SLX4IP: variants seen among roughly 807,000 people sequenced by gnomAD.
The protein encoded by SLX4IP is protein SLX4IP.
SLX4IP carries 34 observed loss-of-function variants against 32.9 expected under a neutral mutation model. That is an observed-to-expected ratio of 1.03 (90% CI 0.79 to 1.38). The LOEUF is 1.38. Among genes scored for constraint, SLX4IP ranks in the 40% most tolerant of loss-of-function variants. The pLI is 0.00. For synonymous variants in SLX4IP, 172 were observed against 171.7 expected (o/e 1.00, Z -0.01); for missense variants, 444 against 479.0 (o/e 0.93, Z 0.68).
rs151025584 is a variant in SLX4IP at position 10,474,089 on chromosome 20, C to T, written c.27+15858C>T. The stretch of plus-strand genomic sequence containing the variant: ...CCACCTGCCTCAGCATTCCAAAGTG[C>T]TGGGATTACAGGCGTGAGCCACGGT... On this transcript the variant is annotated intron_variant, in intron 2 of 7. Coordinates refer to ENST00000334534, the MANE Select transcript of SLX4IP (RefSeq NM_001009608.3). Among the ~76,000 whole-genome samples, 129 of 152,300 alleles carry T rather than the reference C, an allele frequency of 8.5e-4. 1 individual carries two copies. The highest frequency in any genetic ancestry group is 2.9e-3 in the African/African-American group (121 of 41,566).
chr20:10,483,712 G>C lies in SLX4IP; in HGVS notation c.27+25481G>C, dbSNP rs955777735. ...TTTCCCAAAAGGAGTCTATGATAAT[G>C]ATGGAGTTCAGGCCATGCGACCCCA... On this transcript the variant is annotated intron_variant, in intron 2 of 7. Coordinates refer to ENST00000334534, the MANE Select transcript of SLX4IP (RefSeq NM_001009608.3). 2.0e-5 allele frequency among the ~76,000 whole-genome samples: 3 copies of C among 152,202 alleles called. No individual in the cohort carries two copies. The South Asian group carries it at 6.2e-4, about 32-fold the overall frequency.
At chr20:10,598,523 C>G in intron 4 of SLX4IP, 152 bp from the exon 5 acceptor site, 4 of 742,036 alleles carry the variant, frequency 5.4e-6, no homozygotes, top group Non-Finnish European at 9.1e-6. Context: ...CTCGGCCTCC[C>G]GAATTGTTGG....
At chr20:10,490,922 C>T (rs1285540093) in intron 2 of SLX4IP, among the ~76,000 whole-genome samples, 7 of 152,112 alleles carry the variant, frequency 4.6e-5, no homozygotes, top group Non-Finnish European at 8.8e-5. Context: ...CTTTCACATG[C>T]CTCACACCCT....
intron 2 of SLX4IP, among the ~76,000 whole-genome samples, chr20:10,508,304 G>T (rs2065776677): frequency 6.6e-6 from 1 of 152,202 alleles, no homozygotes; most frequent in Non-Finnish European, 1.5e-5. Flanking sequence ...AGAGAGCCCA[G>T]CCCTGAAAAT....
intron 6 of SLX4IP, among the ~76,000 whole-genome samples, chr20:10,620,605 G>C (rs1004968617): frequency 1.3e-5 from 2 of 152,016 alleles, no homozygotes; most frequent in African/African-American, 4.8e-5. Flanking sequence ...CCAGGCTGGA[G>C]TGCAGTGGTG....
intron 6 of SLX4IP, among the ~76,000 whole-genome samples, chr20:10,618,737 C>G (rs1282938145): frequency 6.6e-6 from 1 of 152,164 alleles, no homozygotes; most frequent in African/African-American, 2.4e-5. Context: ...GTAGGGTTGT[C>G]CCGTAAGCCC....
At chr20:10,503,914 A>G (rs1568713053) in intron 2 of SLX4IP, among the ~76,000 whole-genome samples, 1 of 152,182 alleles carries the variant, frequency 6.6e-6, no homozygotes, top group Admixed American at 6.5e-5. Flanking sequence ...TGGATTAAAG[A>G]TCTACCCTAA....
At chr20:10,539,267 G>T (rs1170003403) in intron 2 of SLX4IP, among the ~76,000 whole-genome samples, 1 of 152,112 alleles carries the variant, frequency 6.6e-6, no homozygotes, top group Non-Finnish European at 1.5e-5. Context: ...AACATTAGAA[G>T]AATTTGAGTG....
intron 2 of SLX4IP, among the ~76,000 whole-genome samples, chr20:10,544,198 T>G (rs2066138941): frequency 6.6e-6 from 1 of 152,200 alleles, no homozygotes; most frequent in South Asian, 2.1e-4. Flanking sequence ...CCCTTTCTTT[T>G]CATTTCTGGC....
At chr20:10,530,887 T>A (rs1173950267) in intron 2 of SLX4IP, among the ~76,000 whole-genome samples, 43 of 152,212 alleles carry the variant, frequency 2.8e-4, no homozygotes, top group Admixed American at 2.8e-3. Context: ...GAACCCTGAT[T>A]AACACACTTT....
At chr20:10,450,420 AC>A (rs2065232003) in intron 1 of SLX4IP, among the ~76,000 whole-genome samples, 1 of 152,190 alleles carries the variant, frequency 6.6e-6, no homozygotes, top group Non-Finnish European at 1.5e-5. Flanking sequence ...TTTCAGGACA[AC>A]CTTTATATAC....
chr20:10,454,374 G>A lies in SLX4IP; in HGVS notation c.-29-3802G>A, dbSNP rs149344190. Among the ~76,000 whole-genome samples the A allele has an allele frequency of 1.2e-4, 18 of 152,178 alleles. No homozygotes were observed. In the East Asian group the frequency reaches 3.5e-3, roughly 29 times the overall value. On this transcript the variant is annotated intron_variant, in intron 1 of 7. Coordinates refer to ENST00000334534, the MANE Select transcript of SLX4IP (RefSeq NM_001009608.3). ...GGGAGGTTTCAGTCTGCAGTCTGGA[G>A]AGTATGGGCAGGGTAGAGAGGCATG...
In SLX4IP at chr20:10,623,217, T is replaced by G; in HGVS notation, c.1065T>G (p.Ser355=). Residue 355 remains serine (S), a synonymous_variant, in exon 8 of 8, where the codon TCT becomes TCG. Transcript: ENST00000334534. The part of the protein sequence containing the change: ...LLKQDLAKTT[S]KEELHVLESL... ...AACAAGATTTGGCAAAAACCACGTC[T>G]AAGGAAGAGTTGCATGTTTTGGAAA... is the stretch of plus-strand genomic sequence containing the variant. 5.0e-6 allele frequency: 8 copies of G among 1,614,206 alleles called. No homozygotes were observed. Among genetic ancestry groups the G allele is most frequent in the Non-Finnish European group, 6.8e-6 (8 of 1,180,036 alleles).
At chr20:10,487,712 A>G (rs2065587058) in intron 2 of SLX4IP, among the ~76,000 whole-genome samples, 1 of 152,196 alleles carries the variant, frequency 6.6e-6, no homozygotes, top group Non-Finnish European at 1.5e-5. Flanking sequence ...GCATGCTGAG[A>G]TGCTCGAGAG....
At chr20:10,534,695 G>A (rs1600973515) in intron 2 of SLX4IP, among the ~76,000 whole-genome samples, 1 of 152,114 alleles carries the variant, frequency 6.6e-6, no homozygotes, top group African/African-American at 2.4e-5. Context: ...ACGAGTGCAT[G>A]AACAGAGGCC....
intron 2 of SLX4IP, among the ~76,000 whole-genome samples, chr20:10,464,572 C>G (rs1190542094): frequency 6.6e-6 from 1 of 152,058 alleles, no homozygotes; most frequent in African/African-American, 2.4e-5. Context: ...TTAACTTATG[C>G]AAATTTTTCA....
chr20:10,589,190 C>T (rs967015071), intron 4 of SLX4IP, among the ~76,000 whole-genome samples: 19 of 152,082 alleles, frequency 1.2e-4, no homozygotes, highest in African/African-American at 4.6e-4. Context: ...ATAACATTTA[C>T]ATGACAACAC....
Position 10,622,933 on chromosome 20 carries a change from G to C in SLX4IP, c.781G>C (p.Glu261Gln), listed in dbSNP as rs753472179. 6.2e-7 allele frequency: 1 copy of C among 1,614,142 alleles called. No homozygotes were observed. Residue 261 changes from glutamate (E) to glutamine (Q), a missense_variant, in exon 8 of 8, where the codon GAG (glutamate) becomes CAG (glutamine). Physicochemically the swap from Glu to Gln is conservative, Grantham distance 29. Transcript: ENST00000334534. ...TGGCCAGCAAAAACCTCATCCTGGG[G>C]AGCGGTTAAAGACAGGGCTTCTAAG... The part of the protein sequence containing the change: ...TSGQQKPHPG[E>Q]RLKTGLLSRS...
At chr20:10,556,848 G>A (rs1343590419) in intron 3 of SLX4IP, among the ~76,000 whole-genome samples, 3 of 152,168 alleles carry the variant, frequency 2.0e-5, no homozygotes, top group Non-Finnish European at 2.9e-5. Flanking sequence ...AGTAGCCGGG[G>A]GCTTAGCAGA....
Sources: allele counts gnomAD v4.1 joint callset (sites outside exome capture counted in the v4.1 genomes callset), GRCh38; gene constraint gnomAD v4.1.1; transcripts MANE v1.5; gene names NCBI Gene and HGNC (gene_info 2026-07-23, HGNC 2026-07-21).